The following LYPLAL1 variants were observed in gnomAD, a reference collection of about 807,000 sequenced individuals.
LYPLAL1 encodes the protein lysophospholipase-like protein 1.
Under a neutral mutation model 19.7 loss-of-function variants are expected in LYPLAL1, and 23 were observed. The observed-to-expected ratio is 1.17, with a 90% CI of 0.84 to 1.65. The LOEUF (loss-of-function observed/expected upper bound fraction) is 1.65. Among genes scored for constraint, LYPLAL1 ranks in the 40% most tolerant of loss-of-function variants. The pLI is 0.00. For synonymous variants in LYPLAL1, 119 were observed against 96.3 expected (o/e 1.24, Z -1.38); for missense variants, 355 against 279.4 (o/e 1.27, Z -1.93).
the LYPLAL1 span, among the ~76,000 whole-genome samples, chr1:219,418,668 T>G: frequency 6.6e-6 from 1 of 152,216 alleles, no homozygotes; most frequent in African/African-American, 2.4e-5. Flanking sequence ...ATCCACAGTT[T>G]ACATTAGCAT....
chr1:219,419,345 C>T, the LYPLAL1 span, among the ~76,000 whole-genome samples: 9 of 152,132 alleles, frequency 5.9e-5, no homozygotes, highest in African/African-American at 1.9e-4. Flanking sequence ...TGCCAGCGAT[C>T]AGGAGAGAGT....
chr1:219,404,530 T>C, the LYPLAL1 span, among the ~76,000 whole-genome samples: 75 of 152,260 alleles, frequency 4.9e-4, no homozygotes, highest in South Asian at 0.015. Context: ...ATGTGCATAA[T>C]AGTAAACTCC....
chr1:219,428,022 C>T, the LYPLAL1 span, among the ~76,000 whole-genome samples: 2 of 152,184 alleles, frequency 1.3e-5, no homozygotes, highest in African/African-American at 4.8e-5. Context: ...TTTGGCTTCA[C>T]TCTGAAAGCC....
the LYPLAL1 span, among the ~76,000 whole-genome samples, chr1:219,252,040 G>T: frequency 6.6e-6 from 1 of 151,774 alleles, no homozygotes; most frequent in Admixed American, 6.6e-5. Flanking sequence ...ACTCTTTTTT[G>T]TGGCATTTGT....
chr1:219,308,496 CTAGGAGGAAATAATGGTCTTG>C, the LYPLAL1 span, among the ~76,000 whole-genome samples: 1 of 152,134 alleles, frequency 6.6e-6, no homozygotes, highest in Non-Finnish European at 1.5e-5. Context: ...ACCCAGAGGT[CTAGGAGGAAATAATGGTCTTG>C]TTGGCAGGGC....
At chr1:219,422,174 A>C in the LYPLAL1 span, among the ~76,000 whole-genome samples, 4 of 152,198 alleles carry the variant, frequency 2.6e-5, no homozygotes, top group Non-Finnish European at 5.9e-5. Flanking sequence ...GCAATTAGTA[A>C]ATTGTTAAGA....
chr1:219,198,223 G>T (rs1657772272), intron 3 of LYPLAL1, among the ~76,000 whole-genome samples: 1 of 151,886 alleles, frequency 6.6e-6, no homozygotes, highest in Admixed American at 6.6e-5. Flanking sequence ...ATATACAGAA[G>T]TATTTCAGCA....
At chr1:219,349,530 A>G in the LYPLAL1 span, among the ~76,000 whole-genome samples, 5,314 of 152,320 alleles carry the variant, frequency 0.035, 146 homozygotes, top group Middle Eastern at 0.065. Flanking sequence ...AACATCAAGT[A>G]AAGAAGAAAA....
downstream of LYPLAL1, among the ~76,000 whole-genome samples, chr1:219,214,470 G>A (rs1659215637): frequency 2.6e-5 from 4 of 151,822 alleles, no homozygotes; most frequent in South Asian, 8.3e-4. Context: ...TAACTGTTTG[G>A]TAGATTTCTT....
chr1:219,192,547 A>G (rs953548307), intron 2 of LYPLAL1, among the ~76,000 whole-genome samples: 2 of 151,592 alleles, frequency 1.3e-5, no homozygotes, highest in African/African-American at 4.8e-5. Context: ...TCCGTTTTTC[A>G]TATTTGGAAA....
chr1:219,309,134 C>G, the LYPLAL1 span, among the ~76,000 whole-genome samples: 1 of 152,146 alleles, frequency 6.6e-6, no homozygotes, highest in South Asian at 2.1e-4. Context: ...TTTGACTGCC[C>G]CACTGGATTT....
the LYPLAL1 span, among the ~76,000 whole-genome samples, chr1:219,309,841 T>C: frequency 6.6e-6 from 1 of 152,194 alleles, no homozygotes; most frequent in Non-Finnish European, 1.5e-5. Context: ...ACACAGGACT[T>C]ATATCTTAGC....
the LYPLAL1 span, among the ~76,000 whole-genome samples, chr1:219,303,807 T>C: frequency 6.6e-6 from 1 of 151,874 alleles, no homozygotes; most frequent in African/African-American, 2.4e-5. Context: ...CAGGTGTGAA[T>C]GACATCATAG....
chr1:219,389,000 GAGAA>G, the LYPLAL1 span, among the ~76,000 whole-genome samples: 2 of 152,082 alleles, frequency 1.3e-5, no homozygotes, highest in African/African-American at 4.8e-5. Context: ...ATCTATCCAG[GAGAA>G]AGAGTTTCTT....
At chr1:219,275,982 ATC>A in the LYPLAL1 span, among the ~76,000 whole-genome samples, 2 of 152,216 alleles carry the variant, frequency 1.3e-5, no homozygotes, top group East Asian at 3.9e-4. Flanking sequence ...TAAAGCTATC[ATC>A]TGTGATCTTT....
At chr1:219,341,735 G>A in the LYPLAL1 span, among the ~76,000 whole-genome samples, 1 of 152,034 alleles carries the variant, frequency 6.6e-6, no homozygotes, top group Admixed American at 6.6e-5. Flanking sequence ...ATAGGTCTGA[G>A]CATGAATGAC....
the LYPLAL1 span, among the ~76,000 whole-genome samples, chr1:219,424,227 T>C: frequency 6.6e-6 from 1 of 152,102 alleles, no homozygotes; most frequent in Non-Finnish European, 1.5e-5. Context: ...ACTCATCTAA[T>C]TAAATAAAAC....
At chr1:219,207,945 G>A (rs1658702165) in intron 3 of LYPLAL1, among the ~76,000 whole-genome samples, 3 of 151,968 alleles carry the variant, frequency 2.0e-5, no homozygotes, top group African/African-American at 7.2e-5. Context: ...TGGTCTGTAA[G>A]TCTCTTTTTT....
At chr1:219,238,154 C>T in the LYPLAL1 span, among the ~76,000 whole-genome samples, 7 of 130,778 alleles carry the variant, frequency 5.4e-5, no homozygotes, top group Admixed American at 4.6e-4. Context: ...GACAGAGTCT[C>T]GCTCTGTCGC....
Sources: gnomAD v4.1 joint callset for allele counts (sites outside exome capture counted in the v4.1 genomes callset) on GRCh38, gnomAD v4.1.1 for gene constraint, MANE v1.5 for transcripts, NCBI Gene and HGNC (gene_info 2026-07-23, HGNC 2026-07-21) for gene names.